The following HABP4 variants were observed in gnomAD, a reference collection of about 807,000 sequenced individuals.
The protein encoded by HABP4 is hyaluronan binding protein 4.
In HABP4, 32 loss-of-function variants were observed where a neutral mutation model predicts 44.1. The ratio of observed to expected loss-of-function variants is 0.73; its 90% CI spans 0.55 to 0.97. HABP4 has a LOEUF of 0.97. HABP4 is among the 50% of genes least tolerant of loss of function. The pLI, the probability that HABP4 is intolerant of heterozygous loss-of-function variation, is 0.00. For missense variants in HABP4, 503 were observed against 561.9 expected (o/e 0.90, Z 1.06); for synonymous variants, 216 against 218.0 (o/e 0.99, Z 0.08).
chr9:96,455,113 G>A (rs183225507), intron 1 of HABP4, among the ~76,000 whole-genome samples: 10 of 151,118 alleles, frequency 6.6e-5, no homozygotes, highest in African/African-American at 4.9e-5. Flanking sequence ...AGACCCTGTC[G>A]AAAAAAAAGA....
chr9:96,458,626 C>CTTTT (rs372291268), intron 2 of HABP4, 85 bp downstream of exon 2: 9 of 648,882 alleles, frequency 1.4e-5, no homozygotes, highest in Admixed American at 3.2e-5. Context: ...TTCTTTCTTT[C>CTTTT]TTTTTTTTTT....
intron 5 of HABP4, among the ~76,000 whole-genome samples, chr9:96,481,383 C>T (rs750247625): frequency 2.0e-5 from 3 of 152,082 alleles, no homozygotes; most frequent in Non-Finnish European, 2.9e-5. Context: ...TGAGCCACCG[C>T]GCCCGGCCTG....
intron 4 of HABP4, among the ~76,000 whole-genome samples, chr9:96,468,284 G>A (rs1037550360): frequency 2.1e-5 from 3 of 145,474 alleles, no homozygotes; most frequent in African/African-American, 7.7e-5. Flanking sequence ...CTGAGACAGA[G>A]TCTCACTCTG....
intron 5 of HABP4, among the ~76,000 whole-genome samples, chr9:96,476,527 A>G (rs1587684782): frequency 6.6e-6 from 1 of 152,368 alleles, no homozygotes; most frequent in South Asian, 2.1e-4. Context: ...TTTTATAACA[A>G]ACCAAGAATT....
intron 6 of HABP4, among the ~76,000 whole-genome samples, chr9:96,487,105 T>C (rs1832988555): frequency 6.6e-6 from 1 of 152,028 alleles, no homozygotes; most frequent in African/African-American, 2.4e-5. Flanking sequence ...GCCTCTGCTT[T>C]ATTTTAACCT....
intron 2 of HABP4, among the ~76,000 whole-genome samples, 172 bp downstream of exon 2, chr9:96,458,713 C>A (rs1832446332): frequency 6.6e-6 from 1 of 151,392 alleles, no homozygotes; most frequent in South Asian, 2.1e-4. Context: ...AACCTCCGCT[C>A]CCGGGTTCAA....
intron 6 of HABP4, among the ~76,000 whole-genome samples, chr9:96,485,401 C>T (rs183108773): frequency 1.4e-4 from 21 of 152,318 alleles, no homozygotes; most frequent in Admixed American, 1.0e-3. Context: ...GCACTTCTGA[C>T]GCCTTTCCCA....
intron 5 of HABP4, among the ~76,000 whole-genome samples, chr9:96,473,815 T>C (rs1832734096): frequency 6.6e-6 from 1 of 152,238 alleles, no homozygotes; most frequent in African/African-American, 2.4e-5. Context: ...TCTTCGCCTA[T>C]CTGTCTCTTA....
chr9:96,467,503 T>C (rs1470687560), intron 4 of HABP4, among the ~76,000 whole-genome samples: 1 of 151,060 alleles, frequency 6.6e-6, no homozygotes, highest in Non-Finnish European at 1.5e-5. Context: ...TTTCTCTTTT[T>C]CTTTTTCTTT....
chr9:96,461,862 T>A (rs917275625), intron 2 of HABP4, among the ~76,000 whole-genome samples: 36 of 152,262 alleles, frequency 2.4e-4, no homozygotes, highest in African/African-American at 8.4e-4. Flanking sequence ...GAAAGTGCTA[T>A]AAGAAATGCT....
chr9:96,482,443 T>G (rs1832895745), intron 5 of HABP4, among the ~76,000 whole-genome samples: 1 of 152,244 alleles, frequency 6.6e-6, no homozygotes, highest in Admixed American at 6.5e-5. Context: ...TTCATTCATG[T>G]TGTAGCATGT....
At chr9:96,478,889 T>C (rs979533219) in intron 5 of HABP4, among the ~76,000 whole-genome samples, 3 of 151,996 alleles carry the variant, frequency 2.0e-5, no homozygotes, top group Non-Finnish European at 2.9e-5. Flanking sequence ...CCTCCTGGAG[T>C]GCTGAAATTA....
chr9:96,484,478 G>A lies in HABP4; in HGVS notation c.844G>A (p.Val282Ile), dbSNP rs758220791. 1 of 1,518,892 alleles carries A rather than the reference G, an allele frequency of 6.6e-7. No homozygotes were observed. Among genetic ancestry groups the A allele is most frequent in the Admixed American group, 1.7e-5 (1 of 59,148 alleles). 94.1% of individuals were successfully genotyped at this position (1,518,892 alleles called of 1,614,324 possible). A position where few individuals can be genotyped will look rare whatever the true frequency, so the allele number is the denominator to read the frequency against. Residue 282 changes from valine to isoleucine, a missense_variant, in exon 6 of 8, where the codon GTA becomes ATA. Physicochemically the swap from Val to Ile is conservative, Grantham distance 29 (BLOSUM62 3). Coordinates refer to ENST00000375249, the MANE Select transcript of HABP4 (RefSeq NM_014282.4). ...ESPAKVPELEVEEETQVQEMT... is the reference protein window; with the variant it reads ...ESPAKVPELEIEEETQVQEMT... ...TCTTTATAGAGTTCCTGAGTTGGAG[G>A]TAGAAGAAGAAACCCAAGTTCAAGA...
At chr9:96,455,923 C>G (rs1209377040) in intron 1 of HABP4, among the ~76,000 whole-genome samples, 1 of 151,776 alleles carries the variant, frequency 6.6e-6, no homozygotes. Flanking sequence ...GGTATGGTGG[C>G]ACATGTCTGT....
At chr9:96,462,226 C>T (rs1195441161) in intron 2 of HABP4, among the ~76,000 whole-genome samples, 1 of 151,808 alleles carries the variant, frequency 6.6e-6, no homozygotes, top group Non-Finnish European at 1.5e-5. Flanking sequence ...CAGAGGCAGG[C>T]AGATCACCTG....
Position 96,451,010 on chromosome 9 carries a change from T to G in HABP4, c.349+382T>G, listed in dbSNP as rs10991217. On this transcript the variant is annotated intron_variant, in intron 1 of 7. Coordinates refer to ENST00000375249, the MANE Select transcript of HABP4 (RefSeq NM_014282.4). ...TCTTCCAGCCCAGCCTCTGCAAGAT[T>G]GAGGTCGGAGCCACCCGAGAGCGCG... 2.6e-5 allele frequency among the ~76,000 whole-genome samples: 4 copies of G among 151,866 alleles called. No individual in the cohort carries two copies. In the South Asian group the frequency reaches 8.3e-4, roughly 32 times the overall value.
intron 5 of HABP4, 189 bp from the exon 6 acceptor site, chr9:96,484,273 G>C (rs1005793746): frequency 5.9e-6 from 3 of 511,538 alleles, no homozygotes; most frequent in Non-Finnish European, 1.0e-5. Flanking sequence ...TCTTCTGTTG[G>C]CAGTGATGAC....
chr9:96,484,730 G>A (rs10512239), intron 6 of HABP4, 97 bp downstream of exon 6: 118,247 of 700,184 alleles, frequency 0.17, 10,897 homozygotes, highest in African/African-American at 0.25. Flanking sequence ...TGGAACATTA[G>A]TAGTTGGCAG....
chr9:96,485,507 C>A (rs973685697), intron 6 of HABP4, among the ~76,000 whole-genome samples: 1 of 152,226 alleles, frequency 6.6e-6, no homozygotes, highest in Non-Finnish European at 1.5e-5. Context: ...ACTGCCACAG[C>A]GGCCAGCGTG....
Sources: gnomAD v4.1 joint callset for allele counts (sites outside exome capture counted in the v4.1 genomes callset) on GRCh38, gnomAD v4.1.1 for gene constraint, MANE v1.5 for transcripts, NCBI Gene and HGNC (gene_info 2026-07-23, HGNC 2026-07-21) for gene names.